The following PITPNC1 variants were observed in gnomAD, a reference collection of about 807,000 sequenced individuals.
PITPNC1 encodes cytoplasmic phosphatidylinositol transfer protein 1.
In PITPNC1, 18 loss-of-function variants were observed where a neutral mutation model predicts 44.7. The ratio of observed to expected loss-of-function variants is 0.40; its 90% CI spans 0.28 to 0.60. The LOEUF (loss-of-function observed/expected upper bound fraction) is 0.60, where lower values mean the gene tolerates loss of function less well. PITPNC1 is among the 20% of genes least tolerant of loss of function. The probability of loss-of-function intolerance (pLI) is 0.39; values close to 1 mark genes in which losing one functional copy is unlikely to be tolerated. For missense variants in PITPNC1, 290 were observed against 418.4 expected (o/e 0.69, Z 2.68); for synonymous variants, 141 against 149.6 (o/e 0.94, Z 0.42).
At chr17:67,666,874 C>T (rs537496766) in intron 6 of PITPNC1, among the ~76,000 whole-genome samples, 1 of 152,352 alleles carries the variant, frequency 6.6e-6, no homozygotes, top group African/African-American at 2.4e-5. Flanking sequence ...TGCCAGATGG[C>T]CTTGGCGGAG....
At chr17:67,380,772 A>G (rs370246664) in intron 1 of PITPNC1, among the ~76,000 whole-genome samples, 1 of 151,938 alleles carries the variant, frequency 6.6e-6, no homozygotes, top group East Asian at 1.9e-4. Context: ...TTGGAAGCCT[A>G]ACTTTTTTTT....
rs879366971 is a variant in PITPNC1 at position 67,495,040 on chromosome 17, G to GTTTTTTTTTTTTTTTTTTTTTTTTTTTT, written c.49-37751_49-37750insTTTTTTTTTTTTTTTTTTTTTTTTTTTT. Reference sequence around the variant, plus strand: ...TTTGGCAATATTGAGCCATGGAGTTGTTTTTTTTTTTGTTTTTTTTTTTTT... The same window carrying GTTTTTTTTTTTTTTTTTTTTTTTTTTTT: ...TTTGGCAATATTGAGCCATGGAGTTGTTTTTTTTTTTTTTTTTTTTTTTTTTTTTTTTTTTTTTTGTTTTTTTTTTTTT... On this transcript the variant is annotated intron_variant, in intron 1 of 8. Transcript: ENST00000581322. Among the ~76,000 whole-genome samples, 11 of 64,722 alleles carry GTTTTTTTTTTTTTTTTTTTTTTTTTTTT rather than the reference G, an allele frequency of 1.7e-4. 2 individuals are homozygous for GTTTTTTTTTTTTTTTTTTTTTTTTTTTT. The highest frequency in any genetic ancestry group is 6.3e-4 in the South Asian group (1 of 1,576). 42.5% of individuals were successfully genotyped at this position (64,722 alleles called of 152,430 possible).
At chr17:67,680,805 G>A (rs2042689416) in intron 8 of PITPNC1, among the ~76,000 whole-genome samples, 1 of 152,136 alleles carries the variant, frequency 6.6e-6, no homozygotes, top group African/African-American at 2.4e-5. Context: ...TCAAAGGATG[G>A]CTACCATTTT....
intron 1 of PITPNC1, among the ~76,000 whole-genome samples, chr17:67,408,250 G>C (rs2038430492): frequency 6.6e-6 from 1 of 152,192 alleles, no homozygotes; most frequent in Admixed American, 6.5e-5. Flanking sequence ...CACTGTGCCT[G>C]GCCTAGGATC....
chr17:67,388,616 G>A (rs1310288665), intron 1 of PITPNC1, among the ~76,000 whole-genome samples: 1 of 149,984 alleles, frequency 6.7e-6, no homozygotes, highest in Admixed American at 6.7e-5. Context: ...CACTGCACCC[G>A]GCCTCTTTTG....
intron 1 of PITPNC1, among the ~76,000 whole-genome samples, chr17:67,488,392 C>T (rs1433593063): frequency 2.0e-5 from 3 of 152,158 alleles, no homozygotes; most frequent in Non-Finnish European, 4.4e-5. Flanking sequence ...GGGGGAGTTA[C>T]AAGGCTCTGT....
intron 1 of PITPNC1, among the ~76,000 whole-genome samples, chr17:67,428,224 G>C (rs2038800892): frequency 6.6e-6 from 1 of 152,074 alleles, no homozygotes; most frequent in Admixed American, 6.6e-5. Flanking sequence ...TTTACAGCTA[G>C]TGTCTCTGTA....
At chr17:67,652,013 A>G (rs2042214656) in intron 6 of PITPNC1, among the ~76,000 whole-genome samples, 1 of 152,208 alleles carries the variant, frequency 6.6e-6, no homozygotes, top group Non-Finnish European at 1.5e-5. Flanking sequence ...TGTGTTGTTC[A>G]TCCATCCCTA....
intron 1 of PITPNC1, among the ~76,000 whole-genome samples, chr17:67,475,963 A>G (rs1311964244): frequency 6.6e-6 from 1 of 152,158 alleles, no homozygotes. Flanking sequence ...CCATAGAGCT[A>G]GCATGCAGTC....
chr17:67,599,029 TATATA>T (rs1305769362), intron 5 of PITPNC1, among the ~76,000 whole-genome samples: 165 of 31,304 alleles, frequency 5.3e-3, no homozygotes, highest in South Asian at 7.1e-3. Context: ...TATATATATA[TATATA>T]TTTTTTTTTT....
intron 1 of PITPNC1, among the ~76,000 whole-genome samples, chr17:67,426,368 T>C (rs1374653196): frequency 6.6e-6 from 1 of 152,092 alleles, no homozygotes; most frequent in Non-Finnish European, 1.5e-5. Context: ...CAAATGCCCA[T>C]CAACGATAGA....
intron 1 of PITPNC1, among the ~76,000 whole-genome samples, chr17:67,495,041 T>TTTG (rs2039928168): frequency 3.5e-5 from 2 of 57,708 alleles, no homozygotes; most frequent in East Asian, 4.7e-4. Context: ...CATGGAGTTG[T>TTTG]TTTTTTTTTT....
intron 1 of PITPNC1, among the ~76,000 whole-genome samples, chr17:67,455,586 G>GT (rs889610284): frequency 1.4e-4 from 21 of 147,630 alleles, no homozygotes; most frequent in African/African-American, 4.7e-4. Context: ...TGCCCAGCTA[G>GT]TTTTTTTTGT....
intron 4 of PITPNC1, among the ~76,000 whole-genome samples, chr17:67,557,192 C>T (rs1482218290): frequency 6.6e-6 from 1 of 152,144 alleles, no homozygotes; most frequent in Non-Finnish European, 1.5e-5. Flanking sequence ...TATGCCCTCA[C>T]ATGGCAGAGA....
intron 6 of PITPNC1, 64 bp downstream of exon 6, chr17:67,632,302 T>TA (rs2144333829): frequency 2.9e-6 from 3 of 1,038,358 alleles, no homozygotes; most frequent in Non-Finnish European, 4.5e-6. Context: ...AACTATTTCT[T>TA]AAGTGCCTCC....
At chr17:67,410,732 T>G (rs907065216) in intron 1 of PITPNC1, among the ~76,000 whole-genome samples, 1 of 151,958 alleles carries the variant, frequency 6.6e-6, no homozygotes, top group Non-Finnish European at 1.5e-5. Flanking sequence ...GCGTGTTAAT[T>G]AAAGCAACAT....
chr17:67,533,029 G>A lies in PITPNC1; in HGVS notation c.197+79G>A, dbSNP rs1275244022. On this transcript the variant is annotated intron_variant, in intron 2 of 8. Coordinates refer to ENST00000581322, the MANE Select transcript of PITPNC1 (RefSeq NM_012417.4). The stretch of plus-strand genomic sequence containing the variant: ...TGGTGTGACAGTGGAGGCAGTGGGT[G>A]TCTGGGATGAAAAGGTCACTTGGAA... 7.0e-6 allele frequency: 8 copies of A among 1,138,636 alleles called. No homozygotes were observed. The East Asian group carries it at 1.5e-4, about 21-fold the overall frequency. 70.5% of individuals were successfully genotyped at this position (1,138,636 alleles called of 1,614,324 possible).
At chr17:67,583,865 T>TTG (rs771258752) in intron 5 of PITPNC1, among the ~76,000 whole-genome samples, 3,203 of 118,394 alleles carry the variant, frequency 0.027, 47 homozygotes, top group Non-Finnish European at 0.036. Flanking sequence ...CTGGCTAATT[T>TTG]TGTGTGTGTG....
At chr17:67,641,534 C>A (rs998967866) in intron 6 of PITPNC1, among the ~76,000 whole-genome samples, 1 of 152,074 alleles carries the variant, frequency 6.6e-6, no homozygotes, top group African/African-American at 2.4e-5. Flanking sequence ...CAGTGGCTCA[C>A]GCCTGTAATC....
Sources: gnomAD v4.1 joint callset for allele counts (sites outside exome capture counted in the v4.1 genomes callset) on GRCh38, gnomAD v4.1.1 for gene constraint, MANE v1.5 for transcripts, NCBI Gene and HGNC (gene_info 2026-07-23, HGNC 2026-07-21) for gene names.